Variants in ZHX3 observed in about 807,000 individuals in gnomAD.
ZHX3 encodes zinc fingers and homeoboxes 3.
In ZHX3, 20 loss-of-function variants were observed where a neutral mutation model predicts 64.5. The ratio of observed to expected loss-of-function variants is 0.31; its 90% confidence interval spans 0.22 to 0.45. The LOEUF (loss-of-function observed/expected upper bound fraction) is 0.45. Among genes scored for constraint, ZHX3 ranks in the 20% least tolerant of loss-of-function variants. The pLI is 1.00. For synonymous variants in ZHX3, 423 were observed against 461.6 expected (o/e 0.92, Z 1.07); for missense variants, 1,041 against 1,195.8 (o/e 0.87, Z 1.91).
chr20:41,220,936 G>A lies in ZHX3; in HGVS notation c.-150-15870C>T, dbSNP rs558713888. Among the ~76,000 whole-genome samples, 39 of 151,918 alleles carry A rather than the reference G, an allele frequency of 2.6e-4. 1 individual carries two copies. Among genetic ancestry groups the A allele is most frequent in the African/African-American group, 9.4e-4 (39 of 41,420 alleles). ...ACTCCTGGACTCAAGTGACCCACCC[G>A]CCTTAGCCTCCCAAAGTGCTGGGAT... is the stretch of plus-strand genomic sequence containing the variant. On this transcript the variant is annotated intron_variant, in intron 2 of 3. Coordinates refer to ENST00000683867, the MANE Select transcript of ZHX3 (RefSeq NM_001384317.1).
At chr20:41,307,197 G>C (rs767829301) in intron 1 of ZHX3, among the ~76,000 whole-genome samples, 3 of 152,222 alleles carry the variant, frequency 2.0e-5, no homozygotes, top group Non-Finnish European at 2.9e-5. Context: ...TAGCCACCTA[G>C]AGCAAGGCAG....
chr20:41,185,308 T>G lies in ZHX3; in HGVS notation c.2861-107A>C. The G allele has an allele frequency of 3.0e-6, 4 of 1,324,262 alleles. No homozygotes were observed. The South Asian group carries it at 5.9e-5, about 20-fold the overall frequency. The allele number at this position is 1,324,262 out of a possible 1,614,324, so 82.0% of individuals were successfully genotyped here. A position where few individuals can be genotyped will look rare whatever the true frequency, so the allele number is the denominator to read the frequency against. ...GGTGGCATCACTGGCTTTGAGGACC[T>G]CTTAATTCCATGAGCAATGAATGGC... On this transcript the variant is annotated intron_variant, in intron 3 of 3. Transcript: ENST00000683867. The surrounding 1 kb of genome is among the most constrained non-coding windows in gnomAD (Gnocchi z 5.0).
chr20:41,299,561 A>T (rs1291786832), intron 1 of ZHX3, among the ~76,000 whole-genome samples: 1 of 152,202 alleles, frequency 6.6e-6, no homozygotes, highest in African/African-American at 2.4e-5. Context: ...AGAAAAAGAC[A>T]TATGAAAGAC....
At chr20:41,265,874 CAT>C (rs1245811887) in intron 2 of ZHX3, among the ~76,000 whole-genome samples, 1 of 152,188 alleles carries the variant, frequency 6.6e-6, no homozygotes, top group African/African-American at 2.4e-5. Flanking sequence ...TGAGAAAAGA[CAT>C]AGCTCCTGTA....
rs565415982 is a variant in ZHX3, at chr20:41,314,349, T to A, written c.-245+3160A>T. ...AAAATTAAGTATACCTGCTAGGCCA[T>A]CCAAAAACTGATAAGCAGGGAGAGG... On this transcript the variant is annotated intron_variant, in intron 1 of 3. Coordinates refer to ENST00000683867, the MANE Select transcript of ZHX3 (RefSeq NM_001384317.1). Among the ~76,000 whole-genome samples the A allele has an allele frequency of 1.1e-3, 162 of 152,252 alleles. 1 individual carries two copies. The highest frequency in any genetic ancestry group is 0.01 in the Admixed American group (154 of 15,288).
At chr20:41,253,250 A>C (rs1391452028) in intron 2 of ZHX3, among the ~76,000 whole-genome samples, 1 of 150,308 alleles carries the variant, frequency 6.7e-6, no homozygotes, top group Admixed American at 6.6e-5. Flanking sequence ...TACAGTAAAA[A>C]AAAAAAAAAA....
In ZHX3 at chr20:41,204,116, G is replaced by A; in HGVS notation, c.801C>T (p.Gly267=). The change falls in exon 3 of 4, where the codon GGC becomes GGT. Residue 267 remains glycine (G), a synonymous_variant. Transcript: ENST00000683867. The surrounding 1 kb of genome is among the most constrained non-coding windows in gnomAD (Gnocchi z 6.6). Reference sequence around the variant, plus strand: ...GCTGGAGGGAGAGGAACTGTGCTATGCCAGCTGGCAAAACTGGCACTGTTC... The same window carrying A: ...GCTGGAGGGAGAGGAACTGTGCTATACCAGCTGGCAAAACTGGCACTGTTC... ...LIGTVPVLPA[G]IAQFLSLQQQ... 1 of 1,605,828 alleles carries A rather than the reference G, an allele frequency of 6.2e-7. No individual in the cohort carries two copies. The highest frequency in any genetic ancestry group is 1.1e-5 in the South Asian group (1 of 89,516).
chr20:41,219,513 G>C lies in ZHX3; in HGVS notation c.-150-14447C>G, dbSNP rs1336316207. 1.3e-5 allele frequency among the ~76,000 whole-genome samples: 2 copies of C among 152,210 alleles called. No individual in the cohort carries two copies. Among genetic ancestry groups the C allele is most frequent in the Non-Finnish European group, 2.9e-5 (2 of 68,038 alleles). On this transcript the variant is annotated intron_variant, in intron 2 of 3. Transcript: ENST00000683867. This position sits in a 1 kb window ranked among gnomAD's most constrained non-coding sequence, Gnocchi z 5.0. Reference sequence around the variant, plus strand: ...GCTTGGCACTTATTGACACTAGAAAGATGTTTGAAATGGTTCCTTGTAGTA... The same window carrying C: ...GCTTGGCACTTATTGACACTAGAAACATGTTTGAAATGGTTCCTTGTAGTA...
rs1234348860 is a variant in ZHX3 at position 41,202,536 on chromosome 20, T to C, written c.2381A>G (p.Tyr794Cys). The change falls in exon 3 of 4, where the codon TAT becomes TGT. Residue 794 changes from tyrosine to cysteine, a missense_variant. By Grantham distance (194) the Tyr-to-Cys change is radical. Around this residue, in one of 4 missense-constraint regions of ZHX3, gnomAD observed 649 missense variants for 739.8 expected, o/e 0.88. Transcript: ENST00000683867. The surrounding 1 kb of genome is among the most constrained non-coding windows in gnomAD (Gnocchi z 7.0). ...VQTQWPSNQD[Y>C]DSIMAQTGLP... is the part of the protein sequence containing the mutation. ...ACCCGTCTGGGCCATGATGGAGTCATAGTCCTGGTTGCTTGGCCACTGTGT... is the reference window on the plus strand; with the variant it reads ...ACCCGTCTGGGCCATGATGGAGTCACAGTCCTGGTTGCTTGGCCACTGTGT... 3.7e-6 allele frequency: 6 copies of C among 1,614,168 alleles called. No homozygotes were observed. Among genetic ancestry groups the C allele is most frequent in the Non-Finnish European group, 4.2e-6 (5 of 1,180,036 alleles).
intron 2 of ZHX3, among the ~76,000 whole-genome samples, chr20:41,215,861 A>C (rs1228376233): frequency 1.3e-5 from 2 of 150,778 alleles, no homozygotes; most frequent in Non-Finnish European, 3.0e-5. Flanking sequence ...CTGAGGCAGG[A>C]GAATGGAGTG....
chr20:41,316,626 G>A (rs1053751674), intron 1 of ZHX3, among the ~76,000 whole-genome samples: 4 of 152,178 alleles, frequency 2.6e-5, no homozygotes, highest in African/African-American at 9.7e-5. Context: ...AAAACAGAAA[G>A]GAGCATTCCT....
chr20:41,283,711 C>T (rs953275521), intron 1 of ZHX3, among the ~76,000 whole-genome samples: 11 of 151,670 alleles, frequency 7.3e-5, no homozygotes, highest in African/African-American at 2.4e-4. Flanking sequence ...GAGCCGAGAT[C>T]GCACCACTGC....
chr20:41,276,668 T>G (rs1343825855), intron 1 of ZHX3, among the ~76,000 whole-genome samples: 1 of 152,224 alleles, frequency 6.6e-6, no homozygotes, highest in Non-Finnish European at 1.5e-5. Context: ...CACTTTAGTT[T>G]TGTTTTCTGT....
At chr20:41,312,449 T>C (rs898664765) in intron 1 of ZHX3, among the ~76,000 whole-genome samples, 1 of 152,212 alleles carries the variant, frequency 6.6e-6, no homozygotes, top group African/African-American at 2.4e-5. Context: ...CATGCCATCT[T>C]TAAGAGCTGT....
chr20:41,203,550 A>G lies in ZHX3; in HGVS notation c.1367T>C (p.Val456Ala). The change falls in exon 3 of 4, where the codon GTG becomes GCG. Residue 456 changes from valine to alanine, a missense_variant. Physicochemically the swap from Val to Ala is moderately conservative, Grantham distance 64. Coordinates refer to ENST00000683867, the MANE Select transcript of ZHX3 (RefSeq NM_001384317.1). This position sits in a 1 kb window ranked among gnomAD's most constrained non-coding sequence, Gnocchi z 7.1. ...TGAACACACAGTGTTAATGGGTGCC[A>G]CACCTGGCTGCTTGGGGACGGATGT... The part of the protein sequence containing the change: ...TVTSVPKQPG[V>A]APINTVCSNT... 1 of 1,614,202 alleles carries G rather than the reference A, an allele frequency of 6.2e-7. No homozygotes were observed. The highest frequency in any genetic ancestry group is 1.3e-5 in the African/African-American group (1 of 75,060).
intron 2 of ZHX3, among the ~76,000 whole-genome samples, chr20:41,218,874 G>A (rs1234136334): frequency 6.6e-6 from 1 of 151,858 alleles, no homozygotes; most frequent in Non-Finnish European, 1.5e-5. Flanking sequence ...CATCAGCCAA[G>A]GGCTCAAGGC....
chr20:41,263,514 C>T (rs2042668718), intron 2 of ZHX3, among the ~76,000 whole-genome samples: 1 of 151,802 alleles, frequency 6.6e-6, no homozygotes, highest in Admixed American at 6.6e-5. Context: ...CCTGCCTCAG[C>T]CTCCAGAGTA....
intron 1 of ZHX3, chr20:41,290,358 G>C (rs751051592): frequency 6.6e-6 from 1 of 152,262 alleles, no homozygotes; most frequent in South Asian, 2.1e-4. Context: ...TGATCTGCAT[G>C]AGAGTTTTGA....
rs1273790974 is a variant in ZHX3, at chr20:41,202,803, T to C, written c.2114A>G (p.Glu705Gly). ...DLASELRVSGENGSLEMPSSH... is the reference protein window; with the variant it reads ...DLASELRVSGGNGSLEMPSSH... ...GCTGGGCATTTCCAGAGAGCCATTT[T>C]CACCAGAGACCCTTAGCTCACTGGC... Residue 705 changes from glutamate to glycine, a missense_variant, in exon 3 of 4, where the codon GAA becomes GGA. Transcript: ENST00000683867. This position sits in a 1 kb window ranked among gnomAD's most constrained non-coding sequence, Gnocchi z 7.0. The C allele has an allele frequency of 6.2e-7, 1 of 1,614,174 alleles. No individual in the cohort carries two copies. Among genetic ancestry groups the C allele is most frequent in the Non-Finnish European group, 8.5e-7 (1 of 1,180,014 alleles).
Sources: allele counts gnomAD v4.1 joint callset (sites outside exome capture counted in the v4.1 genomes callset), GRCh38; gene constraint gnomAD v4.1.1; regional missense constraint gnomAD v4.1.1; non-coding constraint Gnocchi (gnomAD v3.1); transcripts MANE v1.5; gene names NCBI Gene and HGNC (gene_info 2026-07-23, HGNC 2026-07-21).